Variants in BBS9 observed in about 807,000 individuals in gnomAD.
BBS9 encodes protein PTHB1.
Under a neutral mutation model 117.7 loss-of-function variants are expected in BBS9, and 89 were observed. The observed-to-expected ratio is 0.76, with a 90% CI of 0.64 to 0.90. The LOEUF (loss-of-function observed/expected upper bound fraction) is 0.90, where lower values mean the gene tolerates loss of function less well. BBS9 is among the 40% of genes least tolerant of loss of function. The probability of loss-of-function intolerance (pLI) is 0.00; values close to 1 mark genes in which losing one functional copy is unlikely to be tolerated. For synonymous variants in BBS9, 379 were observed against 370.9 expected, an observed-to-expected ratio of 1.02 and a Z score of -0.25; for missense variants, 982 against 1,042.2, an observed-to-expected ratio of 0.94 and a Z score of 0.80.
intron 20 of BBS9, among the ~76,000 whole-genome samples, chr7:33,521,048 T>A (rs1395871822): frequency 1.3e-5 from 2 of 152,162 alleles, no homozygotes; most frequent in Non-Finnish European, 2.9e-5. Flanking sequence ...AGCTTTTGCC[T>A]GAACTAAACT....
At chr7:33,219,197 T>G (rs946874257) in intron 5 of BBS9, among the ~76,000 whole-genome samples, 4 of 152,196 alleles carry the variant, frequency 2.6e-5, no homozygotes, top group African/African-American at 9.6e-5. Context: ...TCACCGGGCC[T>G]TAGCTGCCTT....
intron 21 of BBS9, among the ~76,000 whole-genome samples, chr7:33,632,184 C>A (rs1280621652): frequency 6.6e-6 from 1 of 152,136 alleles, no homozygotes; most frequent in African/African-American, 2.4e-5. Context: ...AAAGGGCTTA[C>A]TTCCTCCTGT....
intron 19 of BBS9, among the ~76,000 whole-genome samples, chr7:33,446,486 A>G (rs2128907860): frequency 6.6e-6 from 1 of 152,352 alleles, no homozygotes; most frequent in Admixed American, 6.5e-5. Context: ...CAAGTCTAAA[A>G]GCAGGCAAAC....
intron 21 of BBS9, among the ~76,000 whole-genome samples, chr7:33,590,743 A>G (rs1424094985): frequency 1.3e-5 from 2 of 151,960 alleles, no homozygotes; most frequent in Non-Finnish European, 2.9e-5. Context: ...GAAGCGCTTT[A>G]CATCCATTTA....
At chr7:33,256,046 G>A (rs1444402300) in intron 5 of BBS9, among the ~76,000 whole-genome samples, 2 of 152,100 alleles carry the variant, frequency 1.3e-5, no homozygotes, top group African/African-American at 4.8e-5. Flanking sequence ...CCAGCTACTT[G>A]GGAGGCTGAG....
intron 13 of BBS9, chr7:33,349,420 A>G: frequency 8.2e-6 from 4 of 490,626 alleles, no homozygotes; most frequent in South Asian, 5.0e-5. Flanking sequence ...TGTTGGACCT[A>G]TAATTGTTTT....
chr7:33,129,440 T>G, upstream of BBS9: 5 of 242,440 alleles, frequency 2.1e-5, no homozygotes, highest in East Asian at 8.2e-5. Context: ...AGCAATCTAA[T>G]TCCAACCGCG....
chr7:33,583,273 T>C (rs1860309089), intron 21 of BBS9, among the ~76,000 whole-genome samples: 1 of 152,092 alleles, frequency 6.6e-6, no homozygotes, highest in African/African-American at 2.4e-5. Flanking sequence ...GGTGTTTTGG[T>C]TGATATTGTT....
At chr7:33,581,973 T>G (rs1860026938) in intron 21 of BBS9, among the ~76,000 whole-genome samples, 1 of 152,162 alleles carries the variant, frequency 6.6e-6, no homozygotes, top group Non-Finnish European at 1.5e-5. Flanking sequence ...TCCAATTATT[T>G]TACACCATGG....
intron 18 of BBS9, among the ~76,000 whole-genome samples, chr7:33,386,310 T>C: frequency 6.6e-6 from 1 of 152,076 alleles, no homozygotes; most frequent in Non-Finnish European, 1.5e-5. Flanking sequence ...AAATGTAGAC[T>C]ACGATATGTT....
At chr7:33,419,542 G>A (rs1483013160) in intron 19 of BBS9, among the ~76,000 whole-genome samples, 2 of 152,032 alleles carry the variant, frequency 1.3e-5, no homozygotes, top group East Asian at 3.9e-4. Flanking sequence ...ATAATAAAAT[G>A]TCGTGGAACC....
At chr7:33,330,304 C>T (rs1217404504) in intron 9 of BBS9, among the ~76,000 whole-genome samples, 1 of 152,110 alleles carries the variant, frequency 6.6e-6, no homozygotes, top group Non-Finnish European at 1.5e-5. Context: ...CATAAGCCAC[C>T]GCGCCTGGTC....
intron 1 of BBS9, among the ~76,000 whole-genome samples, chr7:33,137,992 C>T (rs1173577429): frequency 6.6e-6 from 1 of 152,132 alleles, no homozygotes; most frequent in African/African-American, 2.4e-5. Flanking sequence ...ATTTGTTGGA[C>T]ATAGGTTTAA....
intron 19 of BBS9, among the ~76,000 whole-genome samples, chr7:33,400,753 C>T (rs911445413): frequency 2.6e-5 from 4 of 152,086 alleles, no homozygotes; most frequent in Non-Finnish European, 1.5e-5. Context: ...TAATAGTGCT[C>T]AGAGTGTTGC....
intron 1 of BBS9, among the ~76,000 whole-genome samples, chr7:33,130,560 G>A (rs1789433287): frequency 6.6e-6 from 1 of 152,092 alleles, no homozygotes; most frequent in Non-Finnish European, 1.5e-5. Flanking sequence ...AAATGAAACC[G>A]TATCTTACAG....
intron 15 of BBS9, among the ~76,000 whole-genome samples, chr7:33,355,135 G>T (rs1819394219): frequency 6.6e-6 from 1 of 151,970 alleles, no homozygotes; most frequent in Admixed American, 6.6e-5. Flanking sequence ...AAGCTGTTCT[G>T]CTAGCAACTG....
intron 19 of BBS9, among the ~76,000 whole-genome samples, chr7:33,394,948 T>A (rs1349589318): frequency 6.6e-6 from 1 of 152,180 alleles, no homozygotes; most frequent in African/African-American, 2.4e-5. Context: ...ACACAGATAT[T>A]AAGCATTGTA....
At chr7:33,196,885 G>A (rs1443656734) in intron 5 of BBS9, among the ~76,000 whole-genome samples, 1 of 152,080 alleles carries the variant, frequency 6.6e-6, no homozygotes, top group East Asian at 1.9e-4. Context: ...TGTATGTTAT[G>A]TTGCATAAAA....
intron 21 of BBS9, among the ~76,000 whole-genome samples, chr7:33,612,142 G>A (rs907497204): frequency 1.3e-5 from 2 of 151,444 alleles, no homozygotes; most frequent in African/African-American, 2.4e-5. Context: ...ATCTCTAGTC[G>A]TTAAGTGAGG....
Sources: allele counts gnomAD v4.1 joint callset (sites outside exome capture counted in the v4.1 genomes callset), GRCh38; gene constraint gnomAD v4.1.1; transcripts MANE v1.5; gene names NCBI Gene and HGNC (gene_info 2026-07-23, HGNC 2026-07-21).